PLXNC1: variants seen among roughly 807,000 people sequenced by gnomAD.
PLXNC1 encodes the protein plexin C1, also known as plexin-C1.
PLXNC1 carries 75 observed loss-of-function variants against 178.2 expected under a neutral mutation model. The observed-to-expected ratio is 0.42, with a 90% CI of 0.35 to 0.51. The LOEUF is 0.51. PLXNC1 is among the 20% of genes least tolerant of loss of function. The pLI is 0.02. For synonymous variants in PLXNC1, 790 were observed against 779.9 expected (o/e 1.01, Z -0.22); for missense variants, 1,503 against 1,984.4 (o/e 0.76, Z 4.61).
intron 11 of PLXNC1, among the ~76,000 whole-genome samples, chr12:94,241,263 TG>T (rs1213086283): frequency 6.6e-6 from 1 of 152,238 alleles, no homozygotes; most frequent in Non-Finnish European, 1.5e-5. Context: ...GGACACGTGA[TG>T]TTTTTTCTAT....
At chr12:94,179,178 G>A (rs1962211132) in intron 2 of PLXNC1, among the ~76,000 whole-genome samples, 1 of 152,230 alleles carries the variant, frequency 6.6e-6, no homozygotes. Flanking sequence ...ATCCCTAACT[G>A]CCATCAGGAT....
In PLXNC1 at chr12:94,210,466, C is replaced by T. The variant is rs185430820; in HGVS notation, c.1554+762C>T. On this transcript the variant is annotated intron_variant, in intron 5 of 30. Coordinates refer to ENST00000258526, the MANE Select transcript of PLXNC1 (RefSeq NM_005761.3). ...GTTATGAATAATTGTACAGAGTCCTCTGTTATGAATAACTGTACAGCAGCC... is the reference window on the plus strand; with the variant it reads ...GTTATGAATAATTGTACAGAGTCCTTTGTTATGAATAACTGTACAGCAGCC... 7.2e-5 allele frequency among the ~76,000 whole-genome samples: 11 copies of T among 152,352 alleles called. No individual in the cohort carries two copies. In the East Asian group the frequency reaches 1.7e-3, roughly 24 times the overall value.
chr12:94,274,837 T>C (rs1965818529), intron 21 of PLXNC1, among the ~76,000 whole-genome samples: 1 of 152,222 alleles, frequency 6.6e-6, no homozygotes, highest in African/African-American at 2.4e-5. Context: ...CAGTTTCTCA[T>C]CTGCCACAAG....
chr12:94,239,971 T>A (rs535996052), intron 10 of PLXNC1, among the ~76,000 whole-genome samples: 9 of 152,212 alleles, frequency 5.9e-5, no homozygotes, highest in Non-Finnish European at 1.3e-4. Context: ...ATGAGTGTAA[T>A]GAACCTCTCT....
intron 9 of PLXNC1, among the ~76,000 whole-genome samples, chr12:94,227,854 C>G (rs1963989625): frequency 1.3e-5 from 2 of 152,216 alleles, no homozygotes; most frequent in African/African-American, 4.8e-5. Context: ...GTAAACATTT[C>G]TGGGCGGAAC....
rs138127277 is a variant in PLXNC1, at chr12:94,271,660, C to T, written c.3597+6435C>T. The stretch of plus-strand genomic sequence containing the variant: ...ACAGGCAATGACCAAAACCTGCCCT[C>T]GCATATTTGTGGTGAGGTCAGAAAA... On this transcript the variant is annotated intron_variant, in intron 21 of 30. Transcript: ENST00000258526. 1.1e-4 allele frequency among the ~76,000 whole-genome samples: 16 copies of T among 152,304 alleles called. No homozygotes were observed. In the East Asian group the frequency reaches 2.7e-3, roughly 26 times the overall value.
intron 24 of PLXNC1, among the ~76,000 whole-genome samples, chr12:94,295,547 C>T (rs899674617): frequency 1.2e-4 from 18 of 152,136 alleles, no homozygotes; most frequent in African/African-American, 3.6e-4. Flanking sequence ...AACACTGCTG[C>T]TAGTTTCCAT....
chr12:94,158,998 T>C (rs868804007), intron 1 of PLXNC1, among the ~76,000 whole-genome samples: 3 of 152,168 alleles, frequency 2.0e-5, no homozygotes, highest in Non-Finnish European at 4.4e-5. Context: ...AATCTGAATG[T>C]GTTCTAGAAA....
At chr12:94,280,825 C>T (rs1399554136) in intron 22 of PLXNC1, among the ~76,000 whole-genome samples, 1 of 152,206 alleles carries the variant, frequency 6.6e-6, no homozygotes, top group Non-Finnish European at 1.5e-5. Flanking sequence ...AGCATCCTTA[C>T]TCTTTTCCTG....
At chr12:94,267,963 G>C (rs1965341794) in intron 21 of PLXNC1, among the ~76,000 whole-genome samples, 1 of 152,142 alleles carries the variant, frequency 6.6e-6, no homozygotes, top group Non-Finnish European at 1.5e-5. Context: ...AAGGTGCGGT[G>C]AACAAACTGA....
intron 5 of PLXNC1, 25 bp downstream of exon 5, chr12:94,209,729 C>T (rs775946316): frequency 7.2e-7 from 1 of 1,388,366 alleles, no homozygotes; most frequent in Non-Finnish European, 1.0e-6. Flanking sequence ...TTTAATTTGT[C>T]CTCGTTGTAT....
intron 10 of PLXNC1, among the ~76,000 whole-genome samples, chr12:94,240,032 A>G (rs1212337955): frequency 6.6e-6 from 1 of 152,148 alleles, no homozygotes; most frequent in Non-Finnish European, 1.5e-5. Context: ...ATCTTGCTTC[A>G]TCTATCTTAT....
At chr12:94,159,535 T>C (rs1278723221) in intron 1 of PLXNC1, among the ~76,000 whole-genome samples, 1 of 151,788 alleles carries the variant, frequency 6.6e-6, no homozygotes. Context: ...CTGGTCTTGG[T>C]GGTTGTGGAG....
chr12:94,171,902 G>C (rs1961859346), intron 2 of PLXNC1, among the ~76,000 whole-genome samples: 1 of 151,994 alleles, frequency 6.6e-6, no homozygotes, highest in Non-Finnish European at 1.5e-5. Flanking sequence ...GAGCTGACTT[G>C]CCCCACCAGG....
Position 94,227,193 on chromosome 12 carries a change from A to T in PLXNC1, c.1938A>T (p.Arg646Ser). 6.2e-7 allele frequency: 1 copy of T among 1,613,396 alleles called. No individual in the cohort carries two copies. Among genetic ancestry groups the T allele is most frequent in the South Asian group, 1.1e-5 (1 of 91,058 alleles). Residue 646 changes from arginine to serine, a missense_variant, in exon 9 of 31, where the codon AGA (arginine) becomes AGT (serine). Physicochemically the swap from Arg to Ser is moderately radical, Grantham distance 110. Transcript: ENST00000258526. ...TCGAGAAGACATCAGGAGGAGGAAGACCCAAGGAGAACAAGGGGAACAGAA... is the reference window on the plus strand; with the variant it reads ...TCGAGAAGACATCAGGAGGAGGAAGTCCCAAGGAGAACAAGGGGAACAGAA... ...VAVEKTSGGG[R>S]PKENKGNRTN...
Position 94,297,185 on chromosome 12 carries a change from T to TG in PLXNC1, c.3935-4_3935-3insG, listed in dbSNP as rs1159562899. The TG allele has an allele frequency of 6.2e-7, 1 of 1,613,936 alleles. No homozygotes were observed. The highest frequency in any genetic ancestry group is 1.1e-5 in the South Asian group (1 of 91,062). On this transcript the variant is annotated splice_polypyrimidine_tract_variant and splice_region_variant and intron_variant, in intron 24 of 30. Transcript: ENST00000258526. ...CTTTCTCTCCCTCTTTCTCTGGCAT[T>TG]CAGATGTGGAGTACTCGGATGACCA...
At chr12:94,278,884 G>T (rs977493719) in intron 21 of PLXNC1, among the ~76,000 whole-genome samples, 5 of 152,090 alleles carry the variant, frequency 3.3e-5, no homozygotes, top group African/African-American at 4.8e-5. Flanking sequence ...TGTAATCCCA[G>T]CTACTTGGGA....
At chr12:94,280,945 T>A (rs1056117307) in intron 22 of PLXNC1, among the ~76,000 whole-genome samples, 1 of 152,190 alleles carries the variant, frequency 6.6e-6, no homozygotes, top group African/African-American at 2.4e-5. Flanking sequence ...CCTGCTGATT[T>A]CCCAGACTAC....
At chr12:94,188,865 G>T (rs1962618518) in intron 4 of PLXNC1, among the ~76,000 whole-genome samples, 1 of 152,380 alleles carries the variant, frequency 6.6e-6, no homozygotes, top group South Asian at 2.1e-4. Flanking sequence ...CAAGCATGGG[G>T]AGGTGGCAGA....
Sources: allele counts gnomAD v4.1 joint callset (sites outside exome capture counted in the v4.1 genomes callset), GRCh38; gene constraint gnomAD v4.1.1; transcripts MANE v1.5; gene names NCBI Gene and HGNC (gene_info 2026-07-23, HGNC 2026-07-21).